The following PNMA8B variants were observed in gnomAD, a reference collection of about 807,000 sequenced individuals.
PNMA8B encodes paraneoplastic antigen-like protein 8B.
For synonymous variants in PNMA8B, 386 were observed against 394.9 expected (o/e 0.98, Z 0.27); for missense variants, 887 against 885.8 (o/e 1.00, Z -0.02).
chr19:46,491,845 C>T lies in PNMA8B; in HGVS notation c.*1713G>A. The T allele has an allele frequency of 6.0e-6, 1 of 166,026 alleles. No individual in the cohort carries two copies. The highest frequency in any genetic ancestry group is 1.3e-5 in the Non-Finnish European group (1 of 76,274). The allele number at this position is 166,026 out of a possible 1,614,324, so 10.3% of individuals were successfully genotyped here. On this transcript the variant is annotated 3_prime_UTR_variant, in exon 1 of 1. Coordinates refer to ENST00000599531, the MANE Select transcript of PNMA8B (RefSeq NM_020709.3). ...CACTGCCCAGAGCACAGAGAGAGTACAGTGCTGAATTTCACTTTACTGGAG... is the reference window on the plus strand; with the variant it reads ...CACTGCCCAGAGCACAGAGAGAGTATAGTGCTGAATTTCACTTTACTGGAG...
rs774063939 is a variant in PNMA8B at position 46,494,203 on chromosome 19, C to G, written c.1263G>C (p.Pro421=). 6.2e-7 allele frequency: 1 copy of G among 1,609,318 alleles called. No homozygotes were observed. The change falls in exon 1 of 1, where the codon CCG becomes CCC. Residue 421 remains proline, a synonymous_variant. Coordinates refer to ENST00000599531, the MANE Select transcript of PNMA8B (RefSeq NM_020709.3). The part of the protein sequence containing the change: ...LRECISTLAQ[P]DLPPQAKKAG... The stretch of plus-strand genomic sequence containing the variant: ...CCTTCTTCGCCTGGGGAGGGAGATC[C>G]GGCTGCGCCAAGGTGGAAATGCACT...
In PNMA8B at chr19:46,494,125, A is replaced by T. The variant is rs778812819; in HGVS notation, c.1341T>A (p.Gly447=). The change falls in exon 1 of 1, where the codon GGT becomes GGA. Residue 447 remains glycine (G), a synonymous_variant. Coordinates refer to ENST00000599531, the MANE Select transcript of PNMA8B (RefSeq NM_020709.3). ...GWSEHREDEG[G]LLELVALLAA... ...CCAGGAGCGCCACCAGCTCCAGAAG[A>T]CCCCCTTCGTCCTCACGGTGCTCGC... is the stretch of plus-strand genomic sequence containing the variant. 5 of 1,609,612 alleles carry T rather than the reference A, an allele frequency of 3.1e-6. No individual in the cohort carries two copies. The South Asian group carries it at 5.5e-5, about 18-fold the overall frequency.
In PNMA8B at chr19:46,493,642, G is replaced by T; in HGVS notation, c.1824C>A (p.Ala608=). Residue 608 remains alanine (A), a synonymous_variant, in exon 1 of 1, where the codon GCC becomes GCA. Transcript: ENST00000599531. The surrounding 1 kb of genome is among the most constrained non-coding windows in gnomAD (Gnocchi z 5.3). ...TGGATCCAGTGGGCGCCTGGCCCTT[G>T]GCCTCGCCTGCCCTGGCATGGGCCC... is the stretch of plus-strand genomic sequence containing the variant. ...GAGAHARAGE[A]KGQAPTGSKA... The T allele has an allele frequency of 6.5e-7, 1 of 1,534,650 alleles. No homozygotes were observed. The highest frequency in any genetic ancestry group is 8.7e-7 in the Non-Finnish European group (1 of 1,150,518).
chr19:46,495,061 C>T lies in PNMA8B; in HGVS notation c.405G>A (p.Thr135=), dbSNP rs758805358. 2.6e-5 allele frequency: 42 copies of T among 1,611,504 alleles called. No homozygotes were observed. In the East Asian group the frequency reaches 8.9e-4, roughly 34 times the overall value. Residue 135 remains threonine (T), a synonymous_variant, in exon 1 of 1, where the codon ACG becomes ACA. Coordinates refer to ENST00000599531, the MANE Select transcript of PNMA8B (RefSeq NM_020709.3). ...GEAPTPPASE[T]QAQDSGEVTG... is the part of the protein sequence containing the mutation. Reference sequence around the variant, plus strand: ...TTACCTCCCCAGAATCCTGGGCCTGCGTCTCCGAAGCGGGAGGGGTGGGTG... The same window carrying T: ...TTACCTCCCCAGAATCCTGGGCCTGTGTCTCCGAAGCGGGAGGGGTGGGTG...
Position 46,494,120 on chromosome 19 carries a change from A to G in PNMA8B, c.1346T>C (p.Leu449Pro). 6.2e-7 allele frequency: 1 copy of G among 1,612,032 alleles called. No individual in the cohort carries two copies. Among genetic ancestry groups the G allele is most frequent in the Non-Finnish European group, 8.5e-7 (1 of 1,179,818 alleles). The change falls in exon 1 of 1, where the codon CTG becomes CCG. Residue 449 changes from leucine (L) to proline (P), a missense_variant. Physicochemically the swap from Leu to Pro is moderately conservative, Grantham distance 98 (BLOSUM62 -3). Transcript: ENST00000599531. Reference sequence around the variant, plus strand: ...GGCAGCCAGGAGCGCCACCAGCTCCAGAAGACCCCCTTCGTCCTCACGGTG... The same window carrying G: ...GGCAGCCAGGAGCGCCACCAGCTCCGGAAGACCCCCTTCGTCCTCACGGTG... ...SEHREDEGGLLELVALLAAQD... is the reference protein window; with the variant it reads ...SEHREDEGGLPELVALLAAQD...
rs546624471 is a variant in PNMA8B at position 46,495,748 on chromosome 19, T to C, written c.-283A>G. ...TTTCCAGGACAGCTCCCTCCCTCTC[T>C]CCCTGACACAGGCCTGAGTGACTCG... On this transcript the variant is annotated 5_prime_UTR_variant, in exon 1 of 1. Transcript: ENST00000599531. 2 of 402,098 alleles carry C rather than the reference T, an allele frequency of 5.0e-6. No individual in the cohort carries two copies. The highest frequency in any genetic ancestry group is 9.4e-6 in the Non-Finnish European group (2 of 211,782). The allele number at this position is 402,098 out of a possible 1,614,324, so 24.9% of individuals were successfully genotyped here.
Position 46,493,874 on chromosome 19 carries a change from C to T in PNMA8B, c.1592G>A (p.Arg531Lys). The T allele has an allele frequency of 6.5e-7, 1 of 1,533,144 alleles. No homozygotes were observed. Among genetic ancestry groups the T allele is most frequent in the African/African-American group, 1.4e-5 (1 of 71,812 alleles). 95.0% of individuals were successfully genotyped at this position (1,533,144 alleles called of 1,614,324 possible). The change falls in exon 1 of 1, where the codon AGG (arginine) becomes AAG (lysine). Residue 531 changes from arginine to lysine, a missense_variant. Arg to Lys is a conservative substitution (Grantham distance 26). Coordinates refer to ENST00000599531, the MANE Select transcript of PNMA8B (RefSeq NM_020709.3). This position sits in a 1 kb window ranked among gnomAD's most constrained non-coding sequence, Gnocchi z 5.3. ...GCGCGCCCTCTTGGCCCGGGGCTTC[C>T]TGGATGCCCTGTCCTCCGGCTCCGA... is the stretch of plus-strand genomic sequence containing the variant. The part of the protein sequence containing the change: ...EASEPEDRAS[R>K]KPRAKRARTA...
chr19:46,495,341 G>T lies in PNMA8B; in HGVS notation c.125C>A (p.Thr42Asn). The change falls in exon 1 of 1, where the codon ACC becomes AAC. Residue 42 changes from threonine to asparagine, a missense_variant. Thr to Asn is a moderately conservative substitution (Grantham distance 65). Transcript: ENST00000599531. ...CCTGAACGTGCCCAGGGGCAGGAGG[G>T]TCGGCTGCAGGACGGCTTCGACGTC... is the stretch of plus-strand genomic sequence containing the variant. ...QADVEAVLQP[T>N]LLPLGTFRLR... 1 of 1,284,386 alleles carries T rather than the reference G, an allele frequency of 7.8e-7. No individual in the cohort carries two copies. Among genetic ancestry groups the T allele is most frequent in the Non-Finnish European group, 1.1e-6 (1 of 879,292 alleles). The allele number at this position is 1,284,386 out of a possible 1,614,324, so 79.6% of individuals were successfully genotyped here. A position where few individuals can be genotyped will look rare whatever the true frequency, so the allele number is the denominator to read the frequency against.
At position 46,493,634 on chromosome 19, in the gene PNMA8B, TG is replaced by T; in HGVS notation, c.1831del (p.Gln611ArgfsTer211). On this transcript the variant is annotated frameshift_variant, in exon 1 of 1. Coordinates refer to ENST00000599531, the MANE Select transcript of PNMA8B (RefSeq NM_020709.3). LOFTEE classifies it high-confidence loss of function. The surrounding 1 kb of genome is among the most constrained non-coding windows in gnomAD (Gnocchi z 5.3). ...AHARAGEAKG[Q>X]APTGSKAARG... ...CGCGGCCTTGGATCCAGTGGGCGCC[TG>T]GCCCTTGGCCTCGCCTGCCCTGGCA... The T allele has an allele frequency of 6.5e-7, 1 of 1,532,126 alleles. No homozygotes were observed. Among genetic ancestry groups the T allele is most frequent in the Non-Finnish European group, 8.7e-7 (1 of 1,149,988 alleles). 94.9% of individuals were successfully genotyped at this position (1,532,126 alleles called of 1,614,324 possible).
rs1568617158 is a variant in PNMA8B at position 46,494,007 on chromosome 19, C to A, written c.1459G>T (p.Val487Leu). 1 of 1,613,686 alleles carries A rather than the reference C, an allele frequency of 6.2e-7. No individual in the cohort carries two copies. Among genetic ancestry groups the A allele is most frequent in the South Asian group, 1.1e-5 (1 of 91,080 alleles). The change falls in exon 1 of 1, where the codon GTA (valine) becomes TTA (leucine). Residue 487 changes from valine (V) to leucine (L), a missense_variant. Val to Leu is a conservative substitution (Grantham distance 32). Coordinates refer to ENST00000599531, the MANE Select transcript of PNMA8B (RefSeq NM_020709.3). ...TCCCGGGCGGCCAGGAGCGCCAATACCTCCCCCAGTTTGCCTTTGGGGTAT... is the reference window on the plus strand; with the variant it reads ...TCCCGGGCGGCCAGGAGCGCCAATAACTCCCCCAGTTTGCCTTTGGGGTAT... ...YKYPKGKLGE[V>L]LALLAARENM...
At position 46,495,483 on chromosome 19, in the gene PNMA8B, G is replaced by T; in HGVS notation, c.-18C>A. The T allele has an allele frequency of 6.3e-7, 1 of 1,583,284 alleles. No individual in the cohort carries two copies. Among genetic ancestry groups the T allele is most frequent in the Non-Finnish European group, 8.6e-7 (1 of 1,161,306 alleles). On this transcript the variant is annotated 5_prime_UTR_variant, in exon 1 of 1. Coordinates refer to ENST00000599531, the MANE Select transcript of PNMA8B (RefSeq NM_020709.3). Reference sequence around the variant, plus strand: ...ATGGCCATGGTGCAGCCCCCTTGGCGCTGATCTTGGGGCAGCAGGGAGCCC... The same window carrying T: ...ATGGCCATGGTGCAGCCCCCTTGGCTCTGATCTTGGGGCAGCAGGGAGCCC...
Position 46,494,564 on chromosome 19 carries a change from G to C in PNMA8B, c.902C>G (p.Thr301Ser), listed in dbSNP as rs114949543. 7.4e-6 allele frequency: 12 copies of C among 1,613,964 alleles called. No homozygotes were observed. In the African/African-American group the frequency reaches 1.5e-4, roughly 20 times the overall value. The change falls in exon 1 of 1, where the codon ACC (threonine) becomes AGC (serine). Residue 301 changes from threonine to serine, a missense_variant. Coordinates refer to ENST00000599531, the MANE Select transcript of PNMA8B (RefSeq NM_020709.3). ...DLVALLAVRD[T>S]PDEEPVDSDT... ...GCTGTCCACCGGCTCCTCGTCCGGG[G>C]TGTCTCTCACAGCCAGCAGGGCCAC...
rs184536656 is a variant in PNMA8B at position 46,494,046 on chromosome 19, C to T, written c.1420G>A (p.Gly474Ser). 1.2e-6 allele frequency: 2 copies of T among 1,613,658 alleles called. No homozygotes were observed. Among genetic ancestry groups the T allele is most frequent in the Admixed American group, 1.7e-5 (1 of 60,018 alleles). Residue 474 changes from glycine to serine, a missense_variant, in exon 1 of 1, where the codon GGC becomes AGC. Coordinates refer to ENST00000599531, the MANE Select transcript of PNMA8B (RefSeq NM_020709.3). ...CCTTTGGGGTATTTGTACTTCCCGCCTTCCCAGGCGTTTTCTTTTTCCTCC... is the reference window on the plus strand; with the variant it reads ...CCTTTGGGGTATTTGTACTTCCCGCTTTCCCAGGCGTTTTCTTTTTCCTCC... ...MKEEKENAWE[G>S]GKYKYPKGKL...
Position 46,493,775 on chromosome 19 carries a change from C to G in PNMA8B, c.1691G>C (p.Gly564Ala). 1 of 1,379,622 alleles carries G rather than the reference C, an allele frequency of 7.2e-7. No homozygotes were observed. The highest frequency in any genetic ancestry group is 9.3e-7 in the Non-Finnish European group (1 of 1,073,764). 85.5% of individuals were successfully genotyped at this position (1,379,622 alleles called of 1,614,324 possible). The change falls in exon 1 of 1, where the codon GGC (glycine) becomes GCC (alanine). Residue 564 changes from glycine to alanine, a missense_variant. By Grantham distance (60) the Gly-to-Ala change is moderately conservative (BLOSUM62 0). Coordinates refer to ENST00000599531, the MANE Select transcript of PNMA8B (RefSeq NM_020709.3). The surrounding 1 kb of genome is among the most constrained non-coding windows in gnomAD (Gnocchi z 5.3). ...ASGARKTRAG[G>A]RGRGRGVTPE... ...AGTGACGCCCCGGCCTCGGCCTCGG[C>G]CGCCCGCGCGGGTTTTGCGGGCCCC...
rs887182306 is a variant in PNMA8B, at chr19:46,495,365, T to G, written c.101A>C (p.Asp34Ala). Reference sequence around the variant, plus strand: ...GGTCGGCTGCAGGACGGCTTCGACGTCTGCCTGCTCCAGGCCCTCCGGGAT... The same window carrying G: ...GGTCGGCTGCAGGACGGCTTCGACGGCTGCCTGCTCCAGGCCCTCCGGGAT... ...TGIPEGLEQA[D>A]VEAVLQPTLL... is the part of the protein sequence containing the mutation. The change falls in exon 1 of 1, where the codon GAC becomes GCC. Residue 34 changes from aspartate (D) to alanine (A), a missense_variant. By Grantham distance (126) the Asp-to-Ala change is moderately radical. Coordinates refer to ENST00000599531, the MANE Select transcript of PNMA8B (RefSeq NM_020709.3). 3.1e-6 allele frequency: 4 copies of G among 1,304,804 alleles called. No individual in the cohort carries two copies. The highest frequency in any genetic ancestry group is 4.5e-6 in the Non-Finnish European group (4 of 898,510). The allele number at this position is 1,304,804 out of a possible 1,614,324, so 80.8% of individuals were successfully genotyped here. A position where few individuals can be genotyped will look rare whatever the true frequency, so the allele number is the denominator to read the frequency against.
Position 46,495,664 on chromosome 19 carries a change from T to G in PNMA8B, c.-199A>C. The G allele has an allele frequency of 1.6e-6, 1 of 639,352 alleles. No homozygotes were observed. Among genetic ancestry groups the G allele is most frequent in the Non-Finnish European group, 2.7e-6 (1 of 369,418 alleles). The allele number at this position is 639,352 out of a possible 1,614,324, so 39.6% of individuals were successfully genotyped here. The stretch of plus-strand genomic sequence containing the variant: ...TGCTGGCCGGCTGGACGCAGTGACC[T>G]TCCCCCGGGACCCCTCTCCAGAGCT... On this transcript the variant is annotated 5_prime_UTR_variant, in exon 1 of 1. Transcript: ENST00000599531.
Position 46,495,184 on chromosome 19 carries a change from C to G in PNMA8B, c.282G>C (p.Lys94Asn), listed in dbSNP as rs747871061. 2 of 1,613,958 alleles carry G rather than the reference C, an allele frequency of 1.2e-6. No individual in the cohort carries two copies. The highest frequency in any genetic ancestry group is 4.5e-5 in the East Asian group (2 of 44,876). The part of the protein sequence containing the change: ...GKDGVWRVLW[K>N]DRAQDTRVLR... ...GGACCCTCGTGTCCTGCGCACGGTC[C>G]TTCCACAGAACCCTCCAGACCCCAT... is the stretch of plus-strand genomic sequence containing the variant. Residue 94 changes from lysine (K) to asparagine (N), a missense_variant, in exon 1 of 1, where the codon AAG becomes AAC. By Grantham distance (94) the Lys-to-Asn change is moderately conservative. Transcript: ENST00000599531.
Position 46,493,704 on chromosome 19 carries a change from C to G in PNMA8B, c.1762G>C (p.Ala588Pro). ...CTCCCCTTCTTCTTCCTGCTTCCTG[C>G]GGCGTCGTCCTGGGCCGAGCCCCGG... ...GSRGSAQDDA[A>P]GSRKKKGSAG... is the part of the protein sequence containing the mutation. The change falls in exon 1 of 1, where the codon GCA (alanine) becomes CCA (proline). Residue 588 changes from alanine to proline, a missense_variant. Transcript: ENST00000599531. The surrounding 1 kb of genome is among the most constrained non-coding windows in gnomAD (Gnocchi z 5.3). The G allele has an allele frequency of 6.5e-7, 1 of 1,534,698 alleles. No homozygotes were observed. Among genetic ancestry groups the G allele is most frequent in the Non-Finnish European group, 8.7e-7 (1 of 1,149,334 alleles).
In PNMA8B at chr19:46,495,243, G is replaced by C. The variant is rs1433282956; in HGVS notation, c.223C>G (p.His75Asp). 4.4e-6 allele frequency: 7 copies of C among 1,592,500 alleles called. No individual in the cohort carries two copies. The highest frequency in any genetic ancestry group is 3.4e-6 in the Non-Finnish European group (4 of 1,160,262). Residue 75 changes from histidine to aspartate, a missense_variant, in exon 1 of 1, where the codon CAC becomes GAC. His to Asp is a moderately conservative substitution (Grantham distance 81). Transcript: ENST00000599531. The stretch of plus-strand genomic sequence containing the variant: ...GGGATCTCCCTGGGAATGGCAGCGT[G>C]ATTGACGTCCTCCACAAACTCCACC... ...ALVEFVEDVN[H>D]AAIPREIPGK... is the part of the protein sequence containing the mutation.
Sources: allele counts gnomAD v4.1 joint callset, GRCh38; gene constraint gnomAD v4.1.1; non-coding constraint Gnocchi (gnomAD v3.1); transcripts MANE v1.5; gene names NCBI Gene and HGNC (gene_info 2026-07-23, HGNC 2026-07-21).